The following RICTOR variants were observed in gnomAD, a reference collection of about 807,000 sequenced individuals.
RICTOR encodes RPTOR independent companion of MTOR complex 2, also known as rapamycin-insensitive companion of mTOR.
Under a neutral mutation model 214.9 loss-of-function variants are expected in RICTOR, and 49 were observed. The ratio of observed to expected loss-of-function variants is 0.23; its 90% confidence interval spans 0.18 to 0.29. The LOEUF (loss-of-function observed/expected upper bound fraction) is 0.29, where lower values mean the gene tolerates loss of function less well. Among genes scored for constraint, RICTOR ranks in the 10% least tolerant of loss-of-function variants. The probability of loss-of-function intolerance (pLI) is 1.00; values close to 1 mark genes in which losing one functional copy is unlikely to be tolerated. For missense variants in RICTOR, 1,625 were observed against 2,047.0 expected, an observed-to-expected ratio of 0.79 and a Z score of 3.98; for synonymous variants, 717 against 711.3, an observed-to-expected ratio of 1.01 and a Z score of -0.13.
chr5:38,992,750 G>A (rs918284985), intron 6 of RICTOR, among the ~76,000 whole-genome samples: 28 of 152,114 alleles, frequency 1.8e-4, no homozygotes, highest in African/African-American at 5.8e-4. Context: ...GTAAATCAGA[G>A]AATGCTTTCC....
At chr5:39,052,279 G>A (rs965324299) in intron 2 of RICTOR, among the ~76,000 whole-genome samples, 5 of 152,128 alleles carry the variant, frequency 3.3e-5, no homozygotes, top group African/African-American at 1.2e-4. Context: ...AGAAGGCTGA[G>A]ACAGGAGGAT....
chr5:39,041,940 CAAA>C lies in RICTOR; in HGVS notation c.98-20807_98-20805del, dbSNP rs35609106. Among the ~76,000 whole-genome samples, 612 of 84,594 alleles carry C rather than the reference CAAA, an allele frequency of 7.2e-3. 1 individual carries two copies. The highest frequency in any genetic ancestry group is 0.014 in the African/African-American group (361 of 25,208). 55.5% of individuals were successfully genotyped at this position (84,594 alleles called of 152,430 possible). On this transcript the variant is annotated intron_variant, in intron 2 of 37. Coordinates refer to ENST00000357387, the MANE Select transcript of RICTOR (RefSeq NM_152756.5). Reference sequence around the variant, plus strand: ...TGGGTGACAGAGCAAGACCCTGTTTCAAAAAAAAAAAAAAAAAAAAAAATTTAA... The same window carrying C: ...TGGGTGACAGAGCAAGACCCTGTTTCAAAAAAAAAAAAAAAAAAAATTTAA...
chr5:39,011,511 C>T (rs967582025), intron 3 of RICTOR, among the ~76,000 whole-genome samples: 85 of 152,080 alleles, frequency 5.6e-4, no homozygotes, highest in Admixed American at 1.5e-3. Flanking sequence ...GGAGATCCAC[C>T]GACAGCTTGC....
At chr5:38,969,670 T>TC (rs1750593534) in intron 11 of RICTOR, 1 of 145,544 alleles carries the variant, frequency 6.9e-6, no homozygotes, top group African/African-American at 2.5e-5. Context: ...TTTTTAATTT[T>TC]TTTTTTTTTT....
chr5:38,988,665 A>T (rs1009087063), intron 7 of RICTOR, among the ~76,000 whole-genome samples: 1 of 152,156 alleles, frequency 6.6e-6, no homozygotes, highest in Non-Finnish European at 1.5e-5. Flanking sequence ...CAACTTCACC[A>T]AAGTCTCAGG....
rs1750695519 is a variant in RICTOR at position 38,970,572 on chromosome 5, T to G, written c.972+1305A>C. ...TTATCTAAATACTTTTTATTTCACA[T>G]TTAAACAAGGCACACCTGGCTAATA... On this transcript the variant is annotated intron_variant, in intron 11 of 37. Transcript: ENST00000357387. The G allele has an allele frequency of 2.0e-5, 3 of 152,204 alleles. 1 individual carries two copies. The highest frequency in any genetic ancestry group is 2.0e-4 in the Admixed American group (3 of 15,288). 9.4% of individuals were successfully genotyped at this position (152,204 alleles called of 1,614,324 possible).
At chr5:38,962,850 T>A (rs765124726) in intron 17 of RICTOR, 26 bp downstream of exon 17, 2 of 1,583,752 alleles carry the variant, frequency 1.3e-6, no homozygotes, top group Non-Finnish European at 1.7e-6. Context: ...GTGTTTAAGA[T>A]GAAAATCATG....
At chr5:39,010,079 G>A (rs1197852169) in intron 3 of RICTOR, among the ~76,000 whole-genome samples, 1 of 152,114 alleles carries the variant, frequency 6.6e-6, no homozygotes, top group African/African-American at 2.4e-5. Context: ...GGAGATAACT[G>A]AATCATGGGA....
intron 6 of RICTOR, among the ~76,000 whole-genome samples, chr5:38,992,870 A>G (rs1287469331): frequency 1.3e-5 from 2 of 152,226 alleles, no homozygotes; most frequent in Non-Finnish European, 2.9e-5. Context: ...CATATAAAAC[A>G]AATTAAAGAT....
At chr5:38,996,330 G>C (rs1048878292) in intron 6 of RICTOR, among the ~76,000 whole-genome samples, 2 of 152,204 alleles carry the variant, frequency 1.3e-5, no homozygotes, top group Non-Finnish European at 2.9e-5. Context: ...ACCCTCTCTT[G>C]TGGAGTGTAG....
At chr5:39,000,656 G>C (rs1478346795) in intron 5 of RICTOR, among the ~76,000 whole-genome samples, 1 of 151,860 alleles carries the variant, frequency 6.6e-6, no homozygotes, top group Non-Finnish European at 1.5e-5. Flanking sequence ...GTAAGAAAAA[G>C]ATAAAGATTG....
chr5:38,972,502 C>T (rs186215646), intron 10 of RICTOR, among the ~76,000 whole-genome samples: 3 of 152,102 alleles, frequency 2.0e-5, no homozygotes, highest in African/African-American at 2.4e-5. Context: ...TAAACACACA[C>T]AAAGTGCTCA....
intron 2 of RICTOR, among the ~76,000 whole-genome samples, chr5:39,057,170 C>T (rs1019386775): frequency 6.6e-6 from 1 of 152,018 alleles, no homozygotes; most frequent in African/African-American, 2.4e-5. Context: ...GAAGGACAAA[C>T]CAAACAGCAA....
intron 2 of RICTOR, among the ~76,000 whole-genome samples, chr5:39,046,619 A>T (rs1483019621): frequency 1.3e-5 from 2 of 152,006 alleles, no homozygotes; most frequent in East Asian, 3.9e-4. Context: ...TGACTTTTCC[A>T]TCACACTACT....
In RICTOR at chr5:38,959,860, T is replaced by G. The variant is rs367744068; in HGVS notation, c.1970A>C (p.Gln657Pro). 42 of 1,613,078 alleles carry G rather than the reference T, an allele frequency of 2.6e-5. No homozygotes were observed. The African/African-American group carries it at 4.9e-4, about 19-fold the overall frequency. Reference sequence around the variant, plus strand: ...TGTTCCAATAAATAAAAAGTAGTGTTGACTAAGGGTGGTCAATAAACCATT... The same window carrying G: ...TGTTCCAATAAATAAAAAGTAGTGTGGACTAAGGGTGGTCAATAAACCATT... ...QNNGLLTTLS[Q>P]HYFLFIGTLS... The change falls in exon 21 of 38, where the codon CAA becomes CCA. Residue 657 changes from glutamine to proline, a missense_variant. By Grantham distance (76) the Gln-to-Pro change is moderately conservative (BLOSUM62 -1). This residue lies in a region of RICTOR where 1,214 missense variants were observed against 1,470.5 expected (regional missense o/e 0.83). Transcript: ENST00000357387.
intron 18 of RICTOR, 42 bp downstream of exon 18, chr5:38,962,442 TA>T: frequency 8.3e-7 from 1 of 1,201,174 alleles, no homozygotes; most frequent in South Asian, 1.4e-5. Flanking sequence ...TAATTAATAA[TA>T]AAATTAAAGA....
intron 7 of RICTOR, among the ~76,000 whole-genome samples, chr5:38,990,545 C>CACGATATATAT (rs1554067814): frequency 5.5e-5 from 4 of 72,100 alleles, no homozygotes; most frequent in Admixed American, 4.1e-4. Flanking sequence ...ACGATATATA[C>CACGATATATAT]ACGATATACA....
intron 3 of RICTOR, among the ~76,000 whole-genome samples, chr5:39,006,241 A>G (rs537741726): frequency 3.9e-5 from 6 of 152,328 alleles, no homozygotes; most frequent in African/African-American, 1.4e-4. Flanking sequence ...TTGTTGCCCG[A>G]GCAGCTTCCT....
In RICTOR at chr5:38,950,042, T is replaced by C. The variant is rs887610541; in HGVS notation, c.3806A>G (p.Tyr1269Cys). ...VSTKTIKTSH[Y>C]LTPQSNHLSL... ...CAGATGGTTAGACTGTGGCGTCAAA[T>C]AGTGGCTTGTCTTAATAGTTTTAGT... is the stretch of plus-strand genomic sequence containing the variant. Residue 1269 changes from tyrosine to cysteine, a missense_variant, in exon 31 of 38, where the codon TAT (tyrosine) becomes TGT (cysteine). Physicochemically the swap from Tyr to Cys is radical, Grantham distance 194. Transcript: ENST00000357387. 9 of 1,613,152 alleles carry C rather than the reference T, an allele frequency of 5.6e-6. No individual in the cohort carries two copies. The highest frequency in any genetic ancestry group is 1.3e-5 in the African/African-American group (1 of 74,850).
Sources: gnomAD v4.1 joint callset for allele counts (sites outside exome capture counted in the v4.1 genomes callset) on GRCh38, gnomAD v4.1.1 for gene constraint, gnomAD v4.1.1 regional missense constraint, MANE v1.5 for transcripts, NCBI Gene and HGNC (gene_info 2026-07-23, HGNC 2026-07-21) for gene names.